Variants in PIK3C3 observed in about 807,000 individuals in gnomAD.
The protein encoded by PIK3C3 is PI3-kinase type 3.
Under a neutral mutation model 126.1 loss-of-function variants are expected in PIK3C3, and 95 were observed. The ratio of observed to expected loss-of-function variants is 0.75; its 90% CI spans 0.64 to 0.89. PIK3C3 has a LOEUF of 0.89. Among genes scored for constraint, PIK3C3 ranks in the 40% least tolerant of loss-of-function variants. The pLI, the probability that PIK3C3 is intolerant of heterozygous loss-of-function variation, is 0.00. For synonymous variants in PIK3C3, 374 were observed against 360.0 expected, an observed-to-expected ratio of 1.04 and a Z score of -0.44; for missense variants, 829 against 1,063.2, an observed-to-expected ratio of 0.78 and a Z score of 3.06.
intron 24 of PIK3C3, among the ~76,000 whole-genome samples, chr18:42,075,040 G>C (rs1985922849): frequency 6.6e-6 from 1 of 151,918 alleles, no homozygotes; most frequent in Non-Finnish European, 1.5e-5. Flanking sequence ...TTTATATTTA[G>C]TTCTTCTTAT....
intron 10 of PIK3C3, among the ~76,000 whole-genome samples, chr18:42,007,741 C>T (rs968800701): frequency 6.6e-6 from 1 of 152,082 alleles, no homozygotes; most frequent in African/African-American, 2.4e-5. Context: ...TGTTAGGTTG[C>T]TTCTTATATT....
chr18:42,058,203 A>T, intron 22 of PIK3C3, 152 bp downstream of exon 22: 1 of 580,334 alleles, frequency 1.7e-6, no homozygotes, highest in Non-Finnish European at 2.8e-6. Flanking sequence ...TTTAATACCA[A>T]TTTTGACAAA....
chr18:42,049,679 C>T (rs1409706850), intron 21 of PIK3C3, 74 bp downstream of exon 21: 2 of 1,225,306 alleles, frequency 1.6e-6, no homozygotes, highest in African/African-American at 1.5e-5. Flanking sequence ...TATGTACTAA[C>T]AAGATAAGTT....
intron 24 of PIK3C3, 60 bp from the exon 25 acceptor site, chr18:42,081,059 ATTGT>A: frequency 1.1e-6 from 1 of 952,230 alleles, no homozygotes; most frequent in Middle Eastern, 2.3e-4. Flanking sequence ...ACTATAGACT[ATTGT>A]TTATCTTTGT....
chr18:42,074,160 C>G (rs926645602), intron 24 of PIK3C3, among the ~76,000 whole-genome samples: 7 of 152,090 alleles, frequency 4.6e-5, no homozygotes, highest in Non-Finnish European at 8.8e-5. Flanking sequence ...GATATACTTA[C>G]AACCCTAGTC....
At chr18:41,995,672 G>A (rs920690907) in intron 7 of PIK3C3, among the ~76,000 whole-genome samples, 7 of 152,104 alleles carry the variant, frequency 4.6e-5, no homozygotes, top group African/African-American at 1.4e-4. Flanking sequence ...CTGTAATGAC[G>A]TGTGTATTAT....
At position 42,067,522 on chromosome 18, in the gene PIK3C3, C is replaced by T. The variant is rs1235309410; in HGVS notation, c.2649+9C>T. 3 of 1,613,796 alleles carry T rather than the reference C, an allele frequency of 1.9e-6. No homozygotes were observed. The highest frequency in any genetic ancestry group is 1.3e-5 in the African/African-American group (1 of 74,902). ...TTCACAAGTTTGCCCAGGTAAGTTCCCTGAGTGCAGTGCATTTTTCTCACC... is the reference window on the plus strand; with the variant it reads ...TTCACAAGTTTGCCCAGGTAAGTTCTCTGAGTGCAGTGCATTTTTCTCACC... On this transcript the variant is annotated intron_variant, in intron 24 of 24. Transcript: ENST00000262039.
intron 24 of PIK3C3, among the ~76,000 whole-genome samples, chr18:42,076,157 TATATGCAC>T (rs1986008295): frequency 8.5e-6 from 1 of 117,016 alleles, no homozygotes; most frequent in African/African-American, 3.7e-5. Context: ...CATATATATA[TATATGCAC>T]ATATATATAT....
chr18:42,012,565 T>G (rs1048076920), intron 10 of PIK3C3, among the ~76,000 whole-genome samples: 10 of 152,182 alleles, frequency 6.6e-5, no homozygotes, highest in African/African-American at 2.4e-4. Flanking sequence ...TTTTTAGTTA[T>G]TTTTAAAAGT....
At chr18:42,037,952 A>T in intron 17 of PIK3C3, 132 bp downstream of exon 17, 1 of 789,130 alleles carries the variant, frequency 1.3e-6, no homozygotes, top group Non-Finnish European at 1.9e-6. Context: ...AACAGTCTCC[A>T]CTTGACCTTG....
chr18:42,080,312 T>A (rs1986203260), intron 24 of PIK3C3, among the ~76,000 whole-genome samples: 1 of 152,200 alleles, frequency 6.6e-6, no homozygotes, highest in Non-Finnish European at 1.5e-5. Context: ...ATGTGTCAGA[T>A]TAAAAGCCAT....
chr18:42,040,824 T>G (rs1984280186), intron 19 of PIK3C3, 83 bp downstream of exon 19: 1 of 878,982 alleles, frequency 1.1e-6, no homozygotes, highest in Admixed American at 2.4e-5. Context: ...GAGTTAAAAA[T>G]GAAAGTCTCC....
In PIK3C3 at chr18:42,029,444, A is replaced by G; in HGVS notation, c.1707+3A>G. On this transcript the variant is annotated splice_donor_region_variant and intron_variant, in intron 15 of 24. Coordinates refer to ENST00000262039, the MANE Select transcript of PIK3C3 (RefSeq NM_002647.4). ...AAAGTGGAAATCGTAAGAAAAAGGT[A>G]AGCCTATGGTGTATGCTTTTGTTCC... 1 of 1,541,786 alleles carries G rather than the reference A, an allele frequency of 6.5e-7. No homozygotes were observed. The highest frequency in any genetic ancestry group is 9.0e-7 in the Non-Finnish European group (1 of 1,114,408).
intron 9 of PIK3C3, among the ~76,000 whole-genome samples, chr18:41,997,904 C>A (rs773998417): frequency 1.3e-5 from 2 of 151,956 alleles, no homozygotes; most frequent in Non-Finnish European, 2.9e-5. Flanking sequence ...TAGCAGACAC[C>A]CTGAAATGCA....
rs146699342 is a variant in PIK3C3 at position 42,011,566 on chromosome 18, C to G, written c.1171-1876C>G. ...GGAATGTTGTGGCTAGTTTGATCTA[C>G]CCAGACCACCAAAACTTCTATATCA... On this transcript the variant is annotated intron_variant, in intron 10 of 24. Transcript: ENST00000262039. Among the ~76,000 whole-genome samples, 130 of 152,258 alleles carry G rather than the reference C, an allele frequency of 8.5e-4. 1 individual carries two copies. Among genetic ancestry groups the G allele is most frequent in the African/African-American group, 3.0e-3 (126 of 41,554 alleles).
chr18:42,034,575 C>T (rs1290115308), intron 16 of PIK3C3, among the ~76,000 whole-genome samples: 1 of 152,146 alleles, frequency 6.6e-6, no homozygotes, highest in Non-Finnish European at 1.5e-5. Context: ...TGGCAATTCT[C>T]TTTAGTCCTT....
intron 3 of PIK3C3, among the ~76,000 whole-genome samples, chr18:41,967,315 C>T (rs551734506): frequency 6.6e-6 from 1 of 152,258 alleles, no homozygotes; most frequent in South Asian, 2.1e-4. Flanking sequence ...GAAGCGCGTG[C>T]AGATTTTCTT....
At chr18:42,013,780 A>G (rs902343002) in intron 11 of PIK3C3, among the ~76,000 whole-genome samples, 184 bp downstream of exon 11, 2 of 152,198 alleles carry the variant, frequency 1.3e-5, no homozygotes, top group African/African-American at 2.4e-5. Flanking sequence ...GTGTTTTGCA[A>G]GCTATCAAGG....
At chr18:41,967,749 C>T (rs943679680) in intron 3 of PIK3C3, among the ~76,000 whole-genome samples, 5 of 152,118 alleles carry the variant, frequency 3.3e-5, no homozygotes, top group African/African-American at 9.7e-5. Context: ...TTAGGTTGAC[C>T]TGGCAAAGAA....
Sources: allele counts gnomAD v4.1 joint callset (sites outside exome capture counted in the v4.1 genomes callset), GRCh38; gene constraint gnomAD v4.1.1; transcripts MANE v1.5; gene names NCBI Gene and HGNC (gene_info 2026-07-23, HGNC 2026-07-21).